Variants in SCIMP observed in about 807,000 individuals in gnomAD.
The protein encoded by SCIMP is SLP adapter and CSK-interacting membrane protein.
A neutral mutation model predicts 22.0 loss-of-function variants in SCIMP; 18 were observed. The observed-to-expected ratio is 0.82, with a 90% confidence interval of 0.56 to 1.21. The LOEUF (loss-of-function observed/expected upper bound fraction) is 1.21, where lower values mean the gene tolerates loss of function less well. SCIMP is among the 50% of genes most tolerant of loss of function. SCIMP has a pLI of 0.00. For synonymous variants in SCIMP, 53 were observed against 62.2 expected, an observed-to-expected ratio of 0.85 and a Z score of 0.70; for missense variants, 155 against 171.2, an observed-to-expected ratio of 0.91 and a Z score of 0.53.
chr17:5,232,282 T>G (rs1264627050), intron 1 of SCIMP, among the ~76,000 whole-genome samples: 2 of 138,138 alleles, frequency 1.4e-5, no homozygotes, highest in Non-Finnish European at 3.1e-5. Flanking sequence ...TAAAGTCTGC[T>G]GCATCTGCCA....
chr17:5,233,872 C>G (rs537950817), intron 1 of SCIMP: 1 of 152,336 alleles, frequency 6.6e-6, no homozygotes, highest in East Asian at 1.9e-4. Context: ...GCCCAACACA[C>G]TTTGATCTCG....
At chr17:5,219,794 A>G (rs1161989897) in intron 3 of SCIMP, among the ~76,000 whole-genome samples, 1 of 152,194 alleles carries the variant, frequency 6.6e-6, no homozygotes, top group African/African-American at 2.4e-5. Context: ...TTCCATGCCT[A>G]CATGACTAAC....
At chr17:5,231,098 G>A (rs1365588414) in intron 1 of SCIMP, among the ~76,000 whole-genome samples, 3 of 151,532 alleles carry the variant, frequency 2.0e-5, no homozygotes, top group Admixed American at 6.6e-5. Context: ...GGTGGCTCAC[G>A]CCTGTAATCC....
intron 2 of SCIMP, among the ~76,000 whole-genome samples, chr17:5,222,383 G>T (rs143780277): frequency 6.6e-6 from 1 of 152,002 alleles, no homozygotes; most frequent in African/African-American, 2.4e-5. Flanking sequence ...GAGCCACCGC[G>T]CCCGGCCAGG....
chr17:5,230,856 C>T (rs2074688347), intron 1 of SCIMP, among the ~76,000 whole-genome samples: 1 of 152,142 alleles, frequency 6.6e-6, no homozygotes, highest in South Asian at 2.1e-4. Flanking sequence ...GGGAGGATGG[C>T]TTGACTCTAG....
chr17:5,219,177 G>A (rs549026049), intron 3 of SCIMP, among the ~76,000 whole-genome samples: 4 of 152,182 alleles, frequency 2.6e-5, no homozygotes, highest in South Asian at 2.1e-4. Context: ...AAATTAGCCA[G>A]GTGTGGTGGC....
chr17:5,218,678 A>G (rs2144318385), intron 3 of SCIMP, among the ~76,000 whole-genome samples: 1 of 152,264 alleles, frequency 6.6e-6, no homozygotes, highest in Non-Finnish European at 1.5e-5. Flanking sequence ...TAGTCACCTG[A>G]CTGCCTGACA....
intron 4 of SCIMP, among the ~76,000 whole-genome samples, chr17:5,211,959 A>G (rs557169196): frequency 6.6e-6 from 1 of 152,182 alleles, no homozygotes; most frequent in African/African-American, 2.4e-5. Flanking sequence ...GAGACAGGAG[A>G]ATTGCTTGAA....
At chr17:5,232,403 A>G (rs2074708555) in intron 1 of SCIMP, among the ~76,000 whole-genome samples, 1 of 77,448 alleles carries the variant, frequency 1.3e-5, no homozygotes, top group Non-Finnish European at 2.3e-5. Context: ...TAAACAGTAT[A>G]AACAGTGCAA....
intron 1 of SCIMP, among the ~76,000 whole-genome samples, chr17:5,229,543 G>A (rs1398162608): frequency 6.6e-6 from 1 of 151,540 alleles, no homozygotes; most frequent in Non-Finnish European, 1.5e-5. Context: ...ACAGTCGCAC[G>A]CCACCATGCC....
intron 1 of SCIMP, among the ~76,000 whole-genome samples, chr17:5,232,350 A>ATAAACAGTGCAGTG (rs1408531932): frequency 2.3e-4 from 6 of 26,112 alleles, no homozygotes; most frequent in Admixed American, 4.2e-4. Context: ...GGGGTGGAAT[A>ATAAACAGTGCAGTG]TAAACAGTGC....
intron 1 of SCIMP, among the ~76,000 whole-genome samples, chr17:5,231,840 G>C (rs552032828): frequency 6.7e-4 from 102 of 152,260 alleles, no homozygotes; most frequent in Non-Finnish European, 3.5e-4. Context: ...GGATCACGAG[G>C]TCAGGAGATC....
intron 3 of SCIMP, among the ~76,000 whole-genome samples, chr17:5,219,577 G>A (rs919454208): frequency 2.6e-5 from 4 of 152,034 alleles, no homozygotes; most frequent in Admixed American, 2.6e-4. Flanking sequence ...GCAGGGAGCC[G>A]AAATCACGCC....
rs774618694 is a variant in SCIMP at position 5,214,988 on chromosome 17, T to G, written c.220A>C (p.Asn74His). Residue 74 changes from asparagine to histidine, a missense_variant, in exon 4 of 5, where the codon AAT becomes CAT. Asn to His is a moderately conservative substitution (Grantham distance 68). Transcript: ENST00000574081. ...GGCGGTAATTGAACTGGCGACTCAT[T>G]AAGAACATTCCTAGAGAGAGAGAAA... ...DEEKMYENVLNESPVQLPPLP... is the reference protein window; with the variant it reads ...DEEKMYENVLHESPVQLPPLP... 3 of 1,607,742 alleles carry G rather than the reference T, an allele frequency of 1.9e-6. No homozygotes were observed. Among genetic ancestry groups the G allele is most frequent in the Non-Finnish European group, 8.5e-7 (1 of 1,174,508 alleles).
chr17:5,226,059 A>G (rs2074646155), intron 1 of SCIMP, among the ~76,000 whole-genome samples: 2 of 152,152 alleles, frequency 1.3e-5, no homozygotes, highest in African/African-American at 4.8e-5. Flanking sequence ...GTGAGAACAG[A>G]GGAAAAACAC....
chr17:5,229,770 T>G lies in SCIMP; in HGVS notation c.21+4965A>C, dbSNP rs181772852. ...TGTGATAGTTATTCACGTATTCACA[T>G]AAATGAAGCGCTGAAGGGCCCTAGG... On this transcript the variant is annotated intron_variant, in intron 1 of 4. Transcript: ENST00000574081. Among the ~76,000 whole-genome samples, 15 of 152,080 alleles carry G rather than the reference T, an allele frequency of 9.9e-5. No homozygotes were observed. The South Asian group carries it at 1.7e-3, about 17-fold the overall frequency.
At chr17:5,233,448 C>T (rs1454972083) in intron 1 of SCIMP, among the ~76,000 whole-genome samples, 1 of 152,210 alleles carries the variant, frequency 6.6e-6, no homozygotes, top group Non-Finnish European at 1.5e-5. Context: ...TCTTGGCTCA[C>T]TGCAACCTCC....
intron 2 of SCIMP, 125 bp downstream of exon 2, chr17:5,223,208 A>C: frequency 9.9e-7 from 1 of 1,006,518 alleles, no homozygotes; most frequent in Non-Finnish European, 1.5e-6. Context: ...CCCAGAATGC[A>C]AGATGCTTAA....
intron 4 of SCIMP, among the ~76,000 whole-genome samples, chr17:5,211,702 C>G (rs940161062): frequency 6.6e-6 from 1 of 152,106 alleles, no homozygotes; most frequent in Admixed American, 6.6e-5. Context: ...TGCTTATGTA[C>G]AAATCTCTCT....
Sources: allele counts gnomAD v4.1 joint callset (sites outside exome capture counted in the v4.1 genomes callset), GRCh38; gene constraint gnomAD v4.1.1; transcripts MANE v1.5; gene names NCBI Gene and HGNC (gene_info 2026-07-23, HGNC 2026-07-21).